Variants in COL4A5 observed in about 807,000 individuals in gnomAD.
The protein encoded by COL4A5 is collagen type IV alpha 5 chain.
A neutral mutation model predicts 130.2 loss-of-function variants in COL4A5; 26 were observed. The observed-to-expected ratio is 0.20, with a 90% CI of 0.15 to 0.28. The LOEUF is 0.28. COL4A5 is among the 10% of genes least tolerant of loss of function. The probability of loss-of-function intolerance (pLI) is 1.00; values close to 1 mark genes in which losing one functional copy is unlikely to be tolerated. For synonymous variants in COL4A5, 496 were observed against 439.6 expected, an observed-to-expected ratio of 1.13 and a Z score of -1.60; for missense variants, 1,131 against 1,344.3, an observed-to-expected ratio of 0.84 and a Z score of 2.48.
At position 108,568,824 on chromosome X, in the gene COL4A5, G is replaced by A; in HGVS notation, c.384+3G>A. On this transcript the variant is annotated splice_donor_region_variant and intron_variant, in intron 6 of 52. Coordinates refer to ENST00000328300, the MANE Select transcript of COL4A5 (RefSeq NM_033380.3). The stretch of plus-strand genomic sequence containing the variant: ...TTCCCGGATGCAATGGAACCAAGGT[G>A]AGATCCATCCATTTAATCTTGGGTA... The A allele has an allele frequency of 8.3e-7, 1 of 1,202,429 alleles. No individual in the cohort carries two copies. Among genetic ancestry groups the A allele is most frequent in the Non-Finnish European group, 1.1e-6 (1 of 887,062 alleles).
intron 1 of COL4A5, among the ~76,000 whole-genome samples, chrX:108,506,457 A>T (rs1167959124): frequency 9.1e-6 from 1 of 109,858 alleles, no homozygotes; most frequent in Non-Finnish European, 1.9e-5. Context: ...GTGGAAGACA[A>T]TTTTTCCACA....
chrX:108,627,191 TA>T, intron 36 of COL4A5: 12 of 625,727 alleles, frequency 1.9e-5, no homozygotes, highest in Non-Finnish European at 2.3e-5. Flanking sequence ...AAGTGAATTT[TA>T]ATTTTCTCTG....
intron 1 of COL4A5, among the ~76,000 whole-genome samples, chrX:108,480,380 A>G (rs1307972737): frequency 8.9e-6 from 1 of 112,597 alleles, no homozygotes; most frequent in Non-Finnish European, 1.9e-5. Context: ...CTGGCATGCA[A>G]ATGTCTCACC....
chrX:108,635,259 T>C (rs960583752), intron 36 of COL4A5, among the ~76,000 whole-genome samples: 3 of 109,711 alleles, frequency 2.7e-5, no homozygotes, highest in Admixed American at 9.7e-5. Context: ...TATTGTGAGG[T>C]TTCAATGAGA....
chrX:108,604,791 T>G (rs1603292944), intron 28 of COL4A5, among the ~76,000 whole-genome samples: 1 of 112,477 alleles, frequency 8.9e-6, no homozygotes, highest in Admixed American at 9.4e-5. Flanking sequence ...CTTTCATCAA[T>G]GATCTTAGCT....
At chrX:108,648,557 A>G (rs1164106544) in intron 36 of COL4A5, among the ~76,000 whole-genome samples, 1 of 112,143 alleles carries the variant, frequency 8.9e-6, no homozygotes, top group Non-Finnish European at 1.9e-5. Flanking sequence ...GGTGGGTTTC[A>G]TACCAAGGAT....
rs1473297740 is a variant in COL4A5 at position 108,474,620 on chromosome X, T to A, written c.81+34414T>A. Among the ~76,000 whole-genome samples, 3 of 112,128 alleles carry A rather than the reference T, an allele frequency of 2.7e-5. No homozygotes were observed. In the East Asian group the frequency reaches 8.4e-4, roughly 31 times the overall value. ...GATTTTTAGTTTGATGCAATACCAT[T>A]TGTTTATTTTTCCTTTTATTGCTTG... On this transcript the variant is annotated intron_variant, in intron 1 of 52. Transcript: ENST00000328300.
intron 41 of COL4A5, among the ~76,000 whole-genome samples, chrX:108,669,435 A>C (rs1267954412): frequency 8.9e-6 from 1 of 112,385 alleles, no homozygotes. Context: ...TGTTCTAAAC[A>C]CATGAATTAA....
At chrX:108,617,660 C>A (rs1360560551) in intron 30 of COL4A5, among the ~76,000 whole-genome samples, 1 of 111,739 alleles carries the variant, frequency 8.9e-6, no homozygotes, top group Non-Finnish European at 1.9e-5. Flanking sequence ...GTTGTTGATT[C>A]TTGTTATTTT....
At chrX:108,624,956 T>G (rs1210118293) in intron 34 of COL4A5, among the ~76,000 whole-genome samples, 1 of 111,615 alleles carries the variant, frequency 9.0e-6, no homozygotes, top group African/African-American at 3.3e-5. Flanking sequence ...GTCCCTTAAG[T>G]TCAGTTATTT....
intron 1 of COL4A5, among the ~76,000 whole-genome samples, chrX:108,455,752 T>C (rs1040621753): frequency 1.8e-5 from 2 of 111,981 alleles, no homozygotes; most frequent in Non-Finnish European, 3.8e-5. Flanking sequence ...TTTTTTTTCA[T>C]TGAATTACCT....
chrX:108,643,574 C>T (rs1229393754), intron 36 of COL4A5, among the ~76,000 whole-genome samples: 1 of 111,647 alleles, frequency 9.0e-6, no homozygotes, highest in Non-Finnish European at 1.9e-5. Context: ...CCTCCTCAAA[C>T]AAAACAATTA....
intron 3 of COL4A5, among the ~76,000 whole-genome samples, chrX:108,562,037 C>G: frequency 8.9e-6 from 1 of 111,813 alleles, no homozygotes; most frequent in Non-Finnish European, 1.9e-5. Flanking sequence ...TCTTGTGCAC[C>G]CAGGAGTAGC....
chrX:108,566,952 CTTA>C (rs1000863450), intron 4 of COL4A5, among the ~76,000 whole-genome samples: 1 of 111,824 alleles, frequency 8.9e-6, no homozygotes, highest in Non-Finnish European at 1.9e-5. Context: ...GTTTTGTATA[CTTA>C]TTATCTCTTC....
chrX:108,679,949 G>T (rs1318458519), intron 44 of COL4A5, among the ~76,000 whole-genome samples: 1 of 112,289 alleles, frequency 8.9e-6, no homozygotes, highest in East Asian at 2.8e-4. Context: ...TCTGTAAAAA[G>T]TAATCTGCGG....
intron 1 of COL4A5, among the ~76,000 whole-genome samples, chrX:108,473,629 A>ATTTTT (rs2064801352): frequency 2.6e-5 from 1 of 38,129 alleles, no homozygotes; most frequent in East Asian, 4.7e-4. Flanking sequence ...ATATATATAT[A>ATTTTT]TATATTTTTT....
At chrX:108,591,405 A>C (rs2066431932) in intron 20 of COL4A5, among the ~76,000 whole-genome samples, 156 bp from the exon 21 acceptor site, 1 of 112,714 alleles carries the variant, frequency 8.9e-6, no homozygotes, top group South Asian at 3.6e-4. Context: ...TTTGCTCTTC[A>C]TATAGTATTT....
chrX:108,539,701 T>G (rs2147657167), intron 1 of COL4A5, 45 bp from the exon 2 acceptor site: 2 of 1,069,455 alleles, frequency 1.9e-6, no homozygotes, highest in East Asian at 3.0e-5. Context: ...GTCTGATTTT[T>G]GGGTTCATAT....
intron 1 of COL4A5, among the ~76,000 whole-genome samples, chrX:108,468,031 A>G (rs1415527048): frequency 1.8e-5 from 2 of 111,555 alleles, no homozygotes; most frequent in East Asian, 5.6e-4. Context: ...TGGGGATGGG[A>G]CCCAGGTTTC....
Sources: gnomAD v4.1 joint callset for allele counts (sites outside exome capture counted in the v4.1 genomes callset) on GRCh38, gnomAD v4.1.1 for gene constraint, MANE v1.5 for transcripts, NCBI Gene and HGNC (gene_info 2026-07-23, HGNC 2026-07-21) for gene names.